The following CDC45 variants were observed in gnomAD, a reference collection of about 807,000 sequenced individuals.
The protein encoded by CDC45 is cell division cycle 45.
A neutral mutation model predicts 77.8 loss-of-function variants in CDC45; 54 were observed. The ratio of observed to expected loss-of-function variants is 0.69; its 90% CI spans 0.56 to 0.87. The LOEUF (loss-of-function observed/expected upper bound fraction) is 0.87, where lower values mean the gene tolerates loss of function less well. CDC45 is among the 40% of genes least tolerant of loss of function. The pLI is 0.00. For synonymous variants in CDC45, 260 were observed against 272.1 expected (o/e 0.96, Z 0.44); for missense variants, 649 against 721.6 (o/e 0.90, Z 1.15).
rs747388741 is a variant in CDC45 at position 19,483,981 on chromosome 22, T to C, written c.462T>C (p.Ser154=). The change falls in exon 5 of 19, where the codon TCT becomes TCC. Residue 154 remains serine, a synonymous_variant. Transcript: ENST00000263201. ...ATGACAGTGATGGGTCAGAGCCTTC[T>C]GAGAAGCGCACACGGTTAGAAGAGG... ...SGNDSDGSEP[S]EKRTRLEEEI... is the part of the protein sequence containing the mutation. 6.8e-6 allele frequency: 11 copies of C among 1,609,516 alleles called. No individual in the cohort carries two copies. Among genetic ancestry groups the C allele is most frequent in the Non-Finnish European group, 9.3e-6 (11 of 1,179,102 alleles).
chr22:19,503,252 C>T (rs1932969652), intron 9 of CDC45, among the ~76,000 whole-genome samples: 1 of 152,160 alleles, frequency 6.6e-6, no homozygotes, highest in East Asian at 1.9e-4. Flanking sequence ...CTGCACTATC[C>T]TGATGAAGAT....
intron 17 of CDC45, among the ~76,000 whole-genome samples, chr22:19,517,322 GT>G (rs1339148716): frequency 6.6e-6 from 1 of 152,196 alleles, no homozygotes; most frequent in Admixed American, 6.5e-5. Context: ...ACAGGCCGGG[GT>G]GTGTGTCGTG....
chr22:19,494,419 G>A (rs866359384), intron 6 of CDC45, 37 bp downstream of exon 6: 5 of 1,609,332 alleles, frequency 3.1e-6, no homozygotes, highest in African/African-American at 2.7e-5. Context: ...AGCACCAGAA[G>A]CCCACTTGCC....
chr22:19,480,108 G>C, intron 1 of CDC45, 50 bp from the exon 2 acceptor site: 1 of 1,612,334 alleles, frequency 6.2e-7, no homozygotes, highest in Non-Finnish European at 8.5e-7. Context: ...AGGCAGGGGA[G>C]GGCCGGGGTT....
intron 5 of CDC45, among the ~76,000 whole-genome samples, chr22:19,486,252 T>A (rs1601927142): frequency 6.6e-6 from 1 of 152,350 alleles, no homozygotes; most frequent in Middle Eastern, 3.4e-3. Context: ...TTCTTCCCCA[T>A]AAACACAATG....
At chr22:19,505,864 C>T (rs1933142541) in intron 10 of CDC45, among the ~76,000 whole-genome samples, 1 of 152,108 alleles carries the variant, frequency 6.6e-6, no homozygotes, top group South Asian at 2.1e-4. Context: ...TCAGAAAAGA[C>T]CATGGGGAGA....
chr22:19,479,751 C>T (rs2089941580), upstream of CDC45: 6 of 651,836 alleles, frequency 9.2e-6, no homozygotes, highest in Admixed American at 9.7e-5. Flanking sequence ...GGTGACGCTT[C>T]TTTGGGGGCG....
chr22:19,479,553 G>A (rs1005058884), upstream of CDC45: 7 of 566,678 alleles, frequency 1.2e-5, no homozygotes, highest in African/African-American at 1.1e-4. Context: ...TATTGCAAAC[G>A]TAAATGCTGC....
intron 9 of CDC45, among the ~76,000 whole-genome samples, chr22:19,500,536 G>A (rs572002340): frequency 3.3e-5 from 5 of 152,220 alleles, no homozygotes; most frequent in Admixed American, 3.3e-4. Context: ...AGGAAATGCC[G>A]TTTTCCCTTT....
At position 19,479,922 on chromosome 22, in the gene CDC45, GCT is replaced by G. The variant is rs2089944624; in HGVS notation, c.-44_-43del. 4 of 1,608,392 alleles carry G rather than the reference GCT, an allele frequency of 2.5e-6. No individual in the cohort carries two copies. Among genetic ancestry groups the G allele is most frequent in the South Asian group, 2.2e-5 (2 of 90,954 alleles). On this transcript the variant is annotated 5_prime_UTR_variant, in exon 1 of 19. Coordinates refer to ENST00000263201, the MANE Select transcript of CDC45 (RefSeq NM_003504.5). ...TGGCGGGAGTCTTGACCGCCGCCGG[GCT>G]CTTGGTACCTCAGCGCGAGCGCCAG...
chr22:19,484,318 C>G (rs2090031903), intron 5 of CDC45, among the ~76,000 whole-genome samples: 1 of 152,228 alleles, frequency 6.6e-6, no homozygotes, highest in Non-Finnish European at 1.5e-5. Flanking sequence ...AACCCCCACC[C>G]CTTCCTTTTC....
At chr22:19,504,726 G>A (rs1297581805) in intron 9 of CDC45, among the ~76,000 whole-genome samples, 3 of 152,154 alleles carry the variant, frequency 2.0e-5, no homozygotes, top group African/African-American at 7.2e-5. Flanking sequence ...AGCTCCTCGT[G>A]GGGTCCTTCG....
intron 5 of CDC45, among the ~76,000 whole-genome samples, chr22:19,488,582 G>A (rs1270968254): frequency 6.6e-6 from 1 of 152,218 alleles, no homozygotes; most frequent in African/African-American, 2.4e-5. Flanking sequence ...CCACAAGGGA[G>A]GGGACAGGAC....
chr22:19,482,394 G>A (rs192672613), intron 3 of CDC45, among the ~76,000 whole-genome samples: 1 of 152,374 alleles, frequency 6.6e-6, no homozygotes, highest in African/African-American at 2.4e-5. Flanking sequence ...CCAATCACGT[G>A]CTCGAAGTCT....
At chr22:19,483,768 C>T in intron 4 of CDC45, 94 bp from the exon 5 acceptor site, 1 of 1,209,296 alleles carries the variant, frequency 8.3e-7, no homozygotes, top group Admixed American at 2.2e-5. Flanking sequence ...ACTGAGTCAG[C>T]TTATTAGGAA....
chr22:19,508,742 A>G (rs1288457933), intron 13 of CDC45, 51 bp downstream of exon 13: 3 of 1,584,096 alleles, frequency 1.9e-6, no homozygotes, highest in Non-Finnish European at 1.7e-6. Flanking sequence ...TGGTTCTCAC[A>G]CTGCCCAGGG....
chr22:19,502,112 C>G (rs1932921908), intron 9 of CDC45, among the ~76,000 whole-genome samples: 1 of 152,156 alleles, frequency 6.6e-6, no homozygotes, highest in South Asian at 2.1e-4. Context: ...TCAGAAGATT[C>G]AGCTGTTATC....
chr22:19,484,367 GAGGAGCA>G lies in CDC45; in HGVS notation c.486+364_486+370del, dbSNP rs941567313. 5.4e-4 allele frequency among the ~76,000 whole-genome samples: 82 copies of G among 152,318 alleles called. 1 individual carries two copies. The highest frequency in any genetic ancestry group is 1.8e-3 in the Admixed American group (28 of 15,302). ...CATCACTTACTATGCAGTCACTGCA[GAGGAGCA>G]ATGTGGGTCTGCATCCCTTGGCCAG... On this transcript the variant is annotated intron_variant, in intron 5 of 18. Coordinates refer to ENST00000263201, the MANE Select transcript of CDC45 (RefSeq NM_003504.5).
chr22:19,511,329 CTT>C (rs374439054), intron 13 of CDC45, among the ~76,000 whole-genome samples: 33 of 126,264 alleles, frequency 2.6e-4, no homozygotes, highest in Admixed American at 4.8e-4. Context: ...AGTCCTTTGT[CTT>C]TTTTTTTTTT....
Sources: gnomAD v4.1 joint callset for allele counts (sites outside exome capture counted in the v4.1 genomes callset) on GRCh38, gnomAD v4.1.1 for gene constraint, MANE v1.5 for transcripts, NCBI Gene and HGNC (gene_info 2026-07-23, HGNC 2026-07-21) for gene names.